ASIC2: variants seen among roughly 807,000 people sequenced by gnomAD.
ASIC2 encodes acid sensing ion channel subunit 2.
Under a neutral mutation model 57.3 loss-of-function variants are expected in ASIC2, and 25 were observed. The ratio of observed to expected loss-of-function variants is 0.44; its 90% confidence interval spans 0.32 to 0.61. The LOEUF is 0.61. Ranked by LOEUF, ASIC2 falls within the 20% of genes least tolerant of loss-of-function variation. The probability of loss-of-function intolerance (pLI) is 0.06; values close to 1 mark genes in which losing one functional copy is unlikely to be tolerated. For synonymous variants in ASIC2, 319 were observed against 307.5 expected (o/e 1.04, Z -0.39); for missense variants, 641 against 738.1 (o/e 0.87, Z 1.52).
intron 1 of ASIC2, among the ~76,000 whole-genome samples, chr17:33,863,892 C>CTTT (rs771558000): frequency 7.5e-6 from 1 of 133,422 alleles, no homozygotes; most frequent in Non-Finnish European, 1.6e-5. Context: ...ACAGTTACCT[C>CTTT]TTTTTTTGTT....
chr17:33,905,117 T>C (rs1225126010), intron 1 of ASIC2, among the ~76,000 whole-genome samples: 1 of 151,816 alleles, frequency 6.6e-6, no homozygotes, highest in Non-Finnish European at 1.5e-5. Flanking sequence ...AGTAGACAAT[T>C]TGCTTGAGCT....
At chr17:33,534,374 C>A (rs968559140) in intron 1 of ASIC2, 1 of 152,166 alleles carries the variant, frequency 6.6e-6, no homozygotes, top group Non-Finnish European at 1.5e-5. Context: ...CAACTTCTTG[C>A]CGATGAGAAC....
intron 1 of ASIC2, among the ~76,000 whole-genome samples, chr17:33,679,790 C>T (rs961756328): frequency 2.0e-5 from 3 of 151,940 alleles, no homozygotes; most frequent in African/African-American, 4.8e-5. Flanking sequence ...GGCCTCGAGG[C>T]GGGGCAGGGC....
intron 1 of ASIC2, among the ~76,000 whole-genome samples, chr17:33,821,599 C>A (rs1912748328): frequency 6.6e-6 from 1 of 152,184 alleles, no homozygotes; most frequent in African/African-American, 2.4e-5. Flanking sequence ...AACAGATGAG[C>A]CAGCCTTGTT....
chr17:33,062,556 C>T (rs1243090932), intron 3 of ASIC2, among the ~76,000 whole-genome samples: 3 of 152,070 alleles, frequency 2.0e-5, no homozygotes, highest in Admixed American at 6.6e-5. Context: ...TTCTTTTACA[C>T]TTGCTGAGGA....
intron 1 of ASIC2, among the ~76,000 whole-genome samples, chr17:34,132,019 C>T (rs1205894498): frequency 6.6e-6 from 1 of 152,212 alleles, no homozygotes; most frequent in Non-Finnish European, 1.5e-5. Context: ...GAGACACCAT[C>T]TCTTATGCCC....
chr17:33,135,817 A>G (rs1230880816), intron 1 of ASIC2, among the ~76,000 whole-genome samples: 1 of 152,232 alleles, frequency 6.6e-6, no homozygotes, highest in Admixed American at 6.5e-5. Flanking sequence ...TTAAAGCCCA[A>G]TAAAAAAGTC....
At chr17:33,771,157 T>C (rs1338600821) in intron 1 of ASIC2, among the ~76,000 whole-genome samples, 1 of 152,188 alleles carries the variant, frequency 6.6e-6, no homozygotes, top group Non-Finnish European at 1.5e-5. Context: ...GTATTTATAA[T>C]GGCAACAGCC....
Position 33,242,863 on chromosome 17 carries a change from G to T in ASIC2, c.708+48545C>A, listed in dbSNP as rs77933169. 6.6e-4 allele frequency among the ~76,000 whole-genome samples: 101 copies of T among 152,258 alleles called. 2 individuals carry two copies. The East Asian group carries it at 0.019, about 28-fold the overall frequency. ...GTTGTTGTGCAGGGAAGGTGGGCAG[G>T]GAGTAAGAGATCTGGATCGAGAGGT... On this transcript the variant is annotated intron_variant, in intron 1 of 9. Coordinates refer to ENST00000225823, the MANE Select transcript of ASIC2 (RefSeq NM_183377.2).
chr17:33,369,956 T>C (rs911201394), intron 1 of ASIC2, among the ~76,000 whole-genome samples: 4 of 152,176 alleles, frequency 2.6e-5, no homozygotes, highest in African/African-American at 9.7e-5. Context: ...CCAACTAAAT[T>C]AATCAGATTT....
rs76320551 is a variant in ASIC2, at chr17:34,134,437, C to T, written c.555+21541G>A. On this transcript the variant is annotated intron_variant, in intron 1 of 9. Transcript: ENST00000359872. ...GGCAAGTTAGATATCCATGCCTGTCCCCAAGAGAAATAATCCAGGTCAAGT... is the reference window on the plus strand; with the variant it reads ...GGCAAGTTAGATATCCATGCCTGTCTCCAAGAGAAATAATCCAGGTCAAGT... Among the ~76,000 whole-genome samples, 397 of 152,154 alleles carry T rather than the reference C, an allele frequency of 2.6e-3. 5 individuals are homozygous for T. The highest frequency in any genetic ancestry group is 9.1e-3 in the African/African-American group (379 of 41,502).
chr17:33,831,675 T>C (rs1185098535), intron 1 of ASIC2, among the ~76,000 whole-genome samples: 1 of 151,956 alleles, frequency 6.6e-6, no homozygotes, highest in East Asian at 1.9e-4. Context: ...TTTGTGCATA[T>C]GGGGCACTGA....
At chr17:33,528,734 G>C (rs1914963530) in intron 1 of ASIC2, among the ~76,000 whole-genome samples, 1 of 152,192 alleles carries the variant, frequency 6.6e-6, no homozygotes, top group Non-Finnish European at 1.5e-5. Flanking sequence ...CCAAGTTGCA[G>C]CCCCTCTTAC....
At chr17:33,482,308 A>G (rs1032596360) in intron 1 of ASIC2, among the ~76,000 whole-genome samples, 38 of 152,224 alleles carry the variant, frequency 2.5e-4, no homozygotes, top group Admixed American at 2.2e-3. Context: ...CTAGTCAAAC[A>G]TGGGCAAAAA....
At chr17:33,800,658 A>ATGGT (rs1172226307) in intron 1 of ASIC2, among the ~76,000 whole-genome samples, 3 of 152,136 alleles carry the variant, frequency 2.0e-5, no homozygotes, top group Non-Finnish European at 4.4e-5. Flanking sequence ...ATCCTGGGAA[A>ATGGT]TGGTGTCAAT....
intron 1 of ASIC2, among the ~76,000 whole-genome samples, chr17:33,473,509 G>A (rs7222667): frequency 0.65 from 98,358 of 151,978 alleles, 31,912 homozygotes; most frequent in Non-Finnish European, 0.67. Context: ...GCAGGAATGA[G>A]TACCACGCGG....
intron 1 of ASIC2, among the ~76,000 whole-genome samples, chr17:33,382,502 T>C (rs1221526964): frequency 2.6e-5 from 4 of 152,112 alleles, no homozygotes; most frequent in Non-Finnish European, 1.5e-5. Flanking sequence ...ACACAAGTGA[T>C]GGATCCATGA....
intron 7 of ASIC2, 40 bp from the exon 8 acceptor site, chr17:33,017,724 C>G: frequency 6.3e-7 from 1 of 1,575,158 alleles, no homozygotes; most frequent in Non-Finnish European, 8.7e-7. Context: ...TGCTTTTATG[C>G]AGCTTCCAGG....
chr17:33,685,358 T>A (rs750337924), intron 1 of ASIC2, among the ~76,000 whole-genome samples: 6 of 152,174 alleles, frequency 3.9e-5, no homozygotes, highest in Non-Finnish European at 7.3e-5. Context: ...CCATCACTGC[T>A]GCATGTGTGG....
Sources: allele counts gnomAD v4.1 joint callset (sites outside exome capture counted in the v4.1 genomes callset), GRCh38; gene constraint gnomAD v4.1.1; transcripts MANE v1.5; gene names NCBI Gene and HGNC (gene_info 2026-07-23, HGNC 2026-07-21).